ASIC3: variants seen among roughly 807,000 people sequenced by gnomAD.
ASIC3 encodes the protein acid sensing ion channel subunit 3, also known as acid-sensing ion channel 3.
A neutral mutation model predicts 58.6 loss-of-function variants in ASIC3; 46 were observed. The ratio of observed to expected loss-of-function variants is 0.79; its 90% confidence interval spans 0.62 to 1.00. The LOEUF (loss-of-function observed/expected upper bound fraction) is 1.00, where lower values mean the gene tolerates loss of function less well. Among genes scored for constraint, ASIC3 ranks in the 50% least tolerant of loss-of-function variants. ASIC3 has a pLI of 0.00. For missense variants in ASIC3, 770 were observed against 735.0 expected, an observed-to-expected ratio of 1.05 and a Z score of -0.55; for synonymous variants, 336 against 300.2, an observed-to-expected ratio of 1.12 and a Z score of -1.23.
chr7:151,050,069 T>G, intron 1 of ASIC3, 37 bp from the exon 2 acceptor site: 1 of 1,613,192 alleles, frequency 6.2e-7, no homozygotes, highest in Non-Finnish European at 8.5e-7. Context: ...TGTGCCTGCC[T>G]GGGGGAGATG....
At chr7:151,050,719 C>A (rs532748577) in intron 3 of ASIC3, 39 bp from the exon 4 acceptor site, 1 of 1,607,316 alleles carries the variant, frequency 6.2e-7, no homozygotes, top group Non-Finnish European at 8.5e-7. Flanking sequence ...TGGCCTCTCA[C>A]GCTCTCCGGG....
In ASIC3 at chr7:151,048,943, T is replaced by C. The variant is rs754262390; in HGVS notation, c.58T>C (p.Phe20Leu). ...GCGGCCAGCCTCGGACATCCGCGTGTTCGCCAGCAACTGCTCGATGCACGG... is the reference window on the plus strand; with the variant it reads ...GCGGCCAGCCTCGGACATCCGCGTGCTCGCCAGCAACTGCTCGATGCACGG... Reference protein sequence around the residue: ...ARRPASDIRVFASNCSMHGLG... With the variant: ...ARRPASDIRVLASNCSMHGLG... Residue 20 changes from phenylalanine to leucine, a missense_variant, in exon 1 of 11, where the codon TTC becomes CTC. Transcript: ENST00000349064. 6.9e-6 allele frequency: 11 copies of C among 1,584,808 alleles called. No individual in the cohort carries two copies. The highest frequency in any genetic ancestry group is 9.5e-6 in the Non-Finnish European group (11 of 1,161,438).
chr7:151,051,816 C>G lies in ASIC3; in HGVS notation c.1221C>G (p.Asn407Lys). The G allele has an allele frequency of 1.2e-6, 2 of 1,613,448 alleles. No homozygotes were observed. Among genetic ancestry groups the G allele is most frequent in the South Asian group, 1.1e-5 (1 of 91,070 alleles). The change falls in exon 7 of 11, where the codon AAC becomes AAG. Residue 407 changes from asparagine to lysine, a missense_variant. Coordinates refer to ENST00000349064, the MANE Select transcript of ASIC3 (RefSeq NM_004769.4). ...LNRSEAYIAE[N>K]VLALDIFFEA... The stretch of plus-strand genomic sequence containing the variant: ...AGGCCATTCTTGTCCTCAGGGAGAA[C>G]GTGCTGGCCCTGGACATCTTCTTTG...
rs770093614 is a variant in ASIC3 at position 151,050,559 on chromosome 7, TGG to T, written c.768_769del (p.Ser258ProfsTer34). 2.4e-5 allele frequency: 39 copies of T among 1,613,908 alleles called. No individual in the cohort carries two copies. The highest frequency in any genetic ancestry group is 3.1e-5 in the Non-Finnish European group (37 of 1,179,974). Reference sequence around the variant, plus strand: ...CCGCCCATCATCGATCAGCTGGGCTTGGGGGTGTCCCCGGGCTACCAGACCTT... The same window carrying T: ...CCGCCCATCATCGATCAGCTGGGCTTGGGTGTCCCCGGGCTACCAGACCTT... On this transcript the variant is annotated frameshift_variant, in exon 3 of 11. Transcript: ENST00000349064. LOFTEE classifies it high-confidence loss of function.
rs770779744 is a variant in ASIC3, at chr7:151,049,349, A to G, written c.464A>G (p.His155Arg). Residue 155 changes from histidine (H) to arginine (R), a missense_variant, in exon 1 of 11, where the codon CAC becomes CGC. His to Arg is a conservative substitution (Grantham distance 29). Coordinates refer to ENST00000349064, the MANE Select transcript of ASIC3 (RefSeq NM_004769.4). ...GCGCAACTCTATGCCCGTGCTGGGC[A>G]CTCCCTGGATGACATGCTGCTGGAC... Reference protein sequence around the residue: ...DMAQLYARAGHSLDDMLLDCR... With the variant: ...DMAQLYARAGRSLDDMLLDCR... The G allele has an allele frequency of 6.2e-7, 1 of 1,612,526 alleles. No individual in the cohort carries two copies. The highest frequency in any genetic ancestry group is 1.3e-5 in the African/African-American group (1 of 74,872).
rs1464260057 is a variant in ASIC3 at position 151,051,822 on chromosome 7, G to C, written c.1227G>C (p.Leu409=). The C allele has an allele frequency of 6.2e-7, 1 of 1,613,612 alleles. No individual in the cohort carries two copies. Among genetic ancestry groups the C allele is most frequent in the Non-Finnish European group, 8.5e-7 (1 of 1,179,982 alleles). The change falls in exon 7 of 11, where the codon CTG becomes CTC. Residue 409 remains leucine (L), a synonymous_variant. Transcript: ENST00000349064. ...RSEAYIAENV[L]ALDIFFEALN... The stretch of plus-strand genomic sequence containing the variant: ...TTCTTGTCCTCAGGGAGAACGTGCT[G>C]GCCCTGGACATCTTCTTTGAGGCCC...
Position 151,051,919 on chromosome 7 carries a change from C to T in ASIC3, c.1306+18C>T, listed in dbSNP as rs754341147. On this transcript the variant is annotated intron_variant, in intron 7 of 10. Coordinates refer to ENST00000349064, the MANE Select transcript of ASIC3 (RefSeq NM_004769.4). ...GCTGCTTGGTGTGTGTGCAGGGCCC[C>T]CAGGGCTGGGGGGGTGTGGGCAGGC... is the stretch of plus-strand genomic sequence containing the variant. 1 of 1,613,482 alleles carries T rather than the reference C, an allele frequency of 6.2e-7. No individual in the cohort carries two copies. Among genetic ancestry groups the T allele is most frequent in the Admixed American group, 1.7e-5 (1 of 59,940 alleles).
chr7:151,051,138 C>T (rs1309011035), intron 5 of ASIC3, 34 bp from the exon 6 acceptor site: 3 of 1,600,248 alleles, frequency 1.9e-6, no homozygotes, highest in East Asian at 2.2e-5. Flanking sequence ...CCCGCTCCGC[C>T]CGCGGGCGTC....
Position 151,052,121 on chromosome 7 carries a change from G to A in ASIC3, c.1387-45G>A, listed in dbSNP as rs996329840. The A allele has an allele frequency of 5.6e-6, 9 of 1,613,744 alleles. No homozygotes were observed. In the Admixed American group the frequency reaches 6.7e-5, roughly 12 times the overall value. On this transcript the variant is annotated intron_variant, in intron 8 of 10. Transcript: ENST00000349064. The surrounding 1 kb of genome is among the most constrained non-coding windows in gnomAD (Gnocchi z 5.0). ...GTGGGAATCAGGGCCCCTAGGATGA[G>A]GGGGAAGGTGTGCACTGGCCACCTC... is the stretch of plus-strand genomic sequence containing the variant.
intron 2 of ASIC3, 80 bp downstream of exon 2, chr7:151,050,336 T>C: frequency 1.4e-6 from 2 of 1,407,956 alleles, no homozygotes; most frequent in Non-Finnish European, 2.0e-6. Context: ...GGAGAGGAGG[T>C]GTCAGGGTGT....
intron 1 of ASIC3, among the ~76,000 whole-genome samples, 169 bp downstream of exon 1, chr7:151,049,588 A>C (rs1796718617): frequency 6.6e-6 from 1 of 152,172 alleles, no homozygotes; most frequent in Admixed American, 6.5e-5. Flanking sequence ...GCAGCCCAGG[A>C]AGCTGTCCTC....
Position 151,052,095 on chromosome 7 carries a change from G to A in ASIC3, c.1386+33G>A, listed in dbSNP as rs774815539. 3 of 1,613,794 alleles carry A rather than the reference G, an allele frequency of 1.9e-6. No homozygotes were observed. The highest frequency in any genetic ancestry group is 2.2e-5 in the South Asian group (2 of 91,078). On this transcript the variant is annotated intron_variant, in intron 8 of 10. Transcript: ENST00000349064. This position sits in a 1 kb window ranked among gnomAD's most constrained non-coding sequence, Gnocchi z 5.0. ...AGGGCCCCCACTGCAGGGGGTGGGA[G>A]GTGGGAATCAGGGCCCCTAGGATGA...
rs746380842 is a variant in ASIC3, at chr7:151,050,257, G to A, written c.685+1G>A. ...TATCTACCTGTGTGGAGGGACAATG[G>A]TAGGGAGCACACAAATGAGGCTGGG... is the stretch of plus-strand genomic sequence containing the variant. On this transcript the variant is annotated splice_donor_variant, in intron 2 of 10. Coordinates refer to ENST00000349064, the MANE Select transcript of ASIC3 (RefSeq NM_004769.4). LOFTEE classifies it high-confidence loss of function. 6 of 1,610,984 alleles carry A rather than the reference G, an allele frequency of 3.7e-6. No individual in the cohort carries two copies.
chr7:151,050,397 A>G (rs1180915350), intron 2 of ASIC3, 84 bp from the exon 3 acceptor site: 17 of 1,578,230 alleles, frequency 1.1e-5, no homozygotes, highest in Non-Finnish European at 1.5e-5. Flanking sequence ...AGTCCTGGGG[A>G]GAGGGGCTGC....
rs1323776138 is a variant in ASIC3, at chr7:151,050,805, G to C, written c.861G>C (p.Leu287=). The change falls in exon 4 of 11, where the codon CTG becomes CTC. Residue 287 remains leucine, a synonymous_variant. Coordinates refer to ENST00000349064, the MANE Select transcript of ASIC3 (RefSeq NM_004769.4). ...GGGGCGATTGCAGTTCAGCATCTCTGAACCCCAACTATGAGCCAGAGCCCT... is the reference window on the plus strand; with the variant it reads ...GGGGCGATTGCAGTTCAGCATCTCTCAACCCCAACTATGAGCCAGAGCCCT... ...PPWGDCSSAS[L]NPNYEPEPSD... 1.2e-6 allele frequency: 2 copies of C among 1,613,692 alleles called. No homozygotes were observed. The highest frequency in any genetic ancestry group is 1.7e-6 in the Non-Finnish European group (2 of 1,179,902).
At chr7:151,049,534 C>T (rs1796716839) in intron 1 of ASIC3, 115 bp downstream of exon 1, 1 of 1,308,520 alleles carries the variant, frequency 7.6e-7, no homozygotes, top group Non-Finnish European at 1.0e-6. Flanking sequence ...GGACCTCTTC[C>T]TTCCTACCAG....
In ASIC3 at chr7:151,051,855, T is replaced by C. The variant is rs752334952; in HGVS notation, c.1260T>C (p.Tyr420=). The change falls in exon 7 of 11, where the codon TAT becomes TAC. Residue 420 remains tyrosine, a synonymous_variant. Transcript: ENST00000349064. The part of the protein sequence containing the change: ...ALDIFFEALN[Y]ETVEQKKAYE... ...ACATCTTCTTTGAGGCCCTCAACTA[T>C]GAGACCGTGGAGCAGAAGAAGGCCT... 6.2e-7 allele frequency: 1 copy of C among 1,613,572 alleles called. No homozygotes were observed. The highest frequency in any genetic ancestry group is 1.1e-5 in the South Asian group (1 of 91,046).
intron 7 of ASIC3, 28 bp downstream of exon 7, chr7:151,051,929 G>C: frequency 6.2e-7 from 1 of 1,613,748 alleles, no homozygotes; most frequent in Non-Finnish European, 8.5e-7. Context: ...CCAGGGCTGG[G>C]GGGGTGTGGG....
In ASIC3 at chr7:151,049,402, C is replaced by T; in HGVS notation, c.517C>T (p.Pro173Ser). 2 of 1,593,128 alleles carry T rather than the reference C, an allele frequency of 1.3e-6. No individual in the cohort carries two copies. The highest frequency in any genetic ancestry group is 2.2e-5 in the East Asian group (1 of 44,562). The change falls in exon 1 of 11, where the codon CCT (proline) becomes TCT (serine). Residue 173 changes from proline to serine, a missense_variant. Coordinates refer to ENST00000349064, the MANE Select transcript of ASIC3 (RefSeq NM_004769.4). ...DCRFRGQPCGPENFTTIFTRM... is the reference protein window; with the variant it reads ...DCRFRGQPCGSENFTTIFTRM... ...TCGCTTCCGTGGCCAACCTTGTGGG[C>T]CTGAGAACTTCACCACGGTGAGCTG...
Sources: gnomAD v4.1 joint callset for allele counts (sites outside exome capture counted in the v4.1 genomes callset) on GRCh38, gnomAD v4.1.1 for gene constraint, Gnocchi (gnomAD v3.1) non-coding constraint, MANE v1.5 for transcripts, NCBI Gene and HGNC (gene_info 2026-07-23, HGNC 2026-07-21) for gene names.